EYS: variants seen among roughly 807,000 people sequenced by gnomAD.
The protein encoded by EYS is EGF-like photoreceptor maintenance factor, also known as protein eyes shut homolog.
A neutral mutation model predicts 282.1 loss-of-function variants in EYS; 250 were observed. That is an observed-to-expected ratio of 0.89 (90% CI 0.80 to 0.98). EYS has a LOEUF of 0.98. Ranked by LOEUF, EYS falls within the 50% of genes least tolerant of loss-of-function variation. EYS has a pLI of 0.00. For synonymous variants in EYS, 1,355 were observed against 1,282.9 expected (o/e 1.06, Z -1.20); for missense variants, 4,016 against 3,709.0 (o/e 1.08, Z -2.15).
chr6:64,944,506 A>C (rs957641985), intron 15 of EYS, among the ~76,000 whole-genome samples: 6 of 152,168 alleles, frequency 3.9e-5, no homozygotes, highest in Admixed American at 2.6e-4. Context: ...CCAGGGGCAC[A>C]ATGCACTGTG....
intron 12 of EYS, among the ~76,000 whole-genome samples, chr6:65,112,429 T>C (rs1055484605): frequency 2.0e-5 from 3 of 152,012 alleles, no homozygotes; most frequent in Non-Finnish European, 4.4e-5. Flanking sequence ...GTAATAAACA[T>C]CAAATTCTAT....
chr6:65,552,271 G>A (rs1345560003), intron 2 of EYS, among the ~76,000 whole-genome samples: 5 of 152,042 alleles, frequency 3.3e-5, no homozygotes, highest in Non-Finnish European at 4.4e-5. Context: ...TTTAAAGATT[G>A]CTTTTACATT....
At chr6:63,760,999 C>A (rs889079574) in intron 41 of EYS, among the ~76,000 whole-genome samples, 1 of 151,344 alleles carries the variant, frequency 6.6e-6, no homozygotes, top group African/African-American at 2.4e-5. Context: ...CTATGAAAAC[C>A]ATCATAATCA....
At chr6:63,958,273 A>G (rs1221150011) in intron 35 of EYS, among the ~76,000 whole-genome samples, 4 of 140,954 alleles carry the variant, frequency 2.8e-5, no homozygotes, top group African/African-American at 9.8e-5. Context: ...ACCTGAACAG[A>G]TATATACTCT....
At chr6:64,791,892 G>A (rs1490111801) in intron 22 of EYS, among the ~76,000 whole-genome samples, 1 of 151,704 alleles carries the variant, frequency 6.6e-6, no homozygotes, top group Admixed American at 6.6e-5. Flanking sequence ...CCATATGACT[G>A]GAACAAGATT....
At chr6:65,640,139 A>G (rs758797415) in intron 1 of EYS, among the ~76,000 whole-genome samples, 2 of 152,228 alleles carry the variant, frequency 1.3e-5, no homozygotes, top group Non-Finnish European at 2.9e-5. Flanking sequence ...CAAAAATTCT[A>G]CAAATAAAAG....
chr6:64,235,022 C>T (rs1371362390), intron 30 of EYS, among the ~76,000 whole-genome samples: 2 of 151,898 alleles, frequency 1.3e-5, no homozygotes, highest in Non-Finnish European at 2.9e-5. Flanking sequence ...GGATTACAGG[C>T]ATCTGCCACC....
At chr6:65,455,041 T>A (rs74835146) in intron 5 of EYS, among the ~76,000 whole-genome samples, 1,734 of 152,216 alleles carry the variant, frequency 0.011, 59 homozygotes, top group Admixed American at 0.078. Flanking sequence ...TTGTGAAGAA[T>A]GTTACTGGTA....
intron 19 of EYS, among the ~76,000 whole-genome samples, chr6:64,828,537 C>G (rs367731627): frequency 1.6e-4 from 25 of 151,876 alleles, no homozygotes; most frequent in African/African-American, 6.0e-4. Flanking sequence ...GGCTCTGGAC[C>G]AAAACTAAAA....
intron 26 of EYS, among the ~76,000 whole-genome samples, chr6:64,522,954 C>G (rs1175222040): frequency 6.6e-6 from 1 of 151,474 alleles, no homozygotes; most frequent in Non-Finnish European, 1.5e-5. Context: ...ATATTTGAAA[C>G]TTGAAGACAT....
chr6:64,177,511 T>G (rs1764671396), intron 31 of EYS, among the ~76,000 whole-genome samples: 1 of 152,124 alleles, frequency 6.6e-6, no homozygotes, highest in Non-Finnish European at 1.5e-5. Flanking sequence ...CTTGAATTAA[T>G]TAATTTCATA....
chr6:64,160,007 A>G (rs1775055654), intron 31 of EYS, among the ~76,000 whole-genome samples: 1 of 152,214 alleles, frequency 6.6e-6, no homozygotes, highest in Admixed American at 6.5e-5. Flanking sequence ...AAACTGAGGT[A>G]CAAACAGGTA....
intron 22 of EYS, among the ~76,000 whole-genome samples, chr6:64,748,853 A>G (rs1256605510): frequency 2.6e-5 from 4 of 152,094 alleles, no homozygotes; most frequent in Non-Finnish European, 5.9e-5. Context: ...GCTCACTGCA[A>G]CCTCCACCTC....
intron 30 of EYS, among the ~76,000 whole-genome samples, chr6:64,275,819 G>A (rs1582522339): frequency 6.6e-6 from 1 of 150,858 alleles, no homozygotes; most frequent in South Asian, 2.1e-4. Flanking sequence ...TAAAAAAATA[G>A]CTGGGCGTGG....
chr6:64,824,453 C>T (rs776964380), intron 19 of EYS, among the ~76,000 whole-genome samples: 1 of 151,888 alleles, frequency 6.6e-6, no homozygotes, highest in Non-Finnish European at 1.5e-5. Context: ...AGGTCTGATA[C>T]ATGTTTAACA....
chr6:64,924,751 A>G (rs1295042840), intron 15 of EYS, among the ~76,000 whole-genome samples: 2 of 152,178 alleles, frequency 1.3e-5, no homozygotes, highest in African/African-American at 4.8e-5. Context: ...TTGCTAAAAC[A>G]TAACAAGAGT....
intron 12 of EYS, among the ~76,000 whole-genome samples, chr6:65,227,929 G>A (rs1181464606): frequency 3.9e-5 from 6 of 152,030 alleles, no homozygotes; most frequent in East Asian, 1.9e-4. Flanking sequence ...GGAAATAGGC[G>A]ACTATTGTTT....
chr6:64,913,425 G>C (rs995177950), intron 15 of EYS, among the ~76,000 whole-genome samples: 4 of 151,836 alleles, frequency 2.6e-5, no homozygotes, highest in Non-Finnish European at 5.9e-5. Context: ...CTCACTTTTG[G>C]AGTTCTCAGC....
intron 29 of EYS, among the ~76,000 whole-genome samples, chr6:64,372,876 CATT>C (rs1390576226): frequency 6.6e-6 from 1 of 152,110 alleles, no homozygotes; most frequent in Non-Finnish European, 1.5e-5. Flanking sequence ...CTTGTGATTG[CATT>C]ATGAAATTTT....
Sources: gnomAD v4.1 joint callset for allele counts (sites outside exome capture counted in the v4.1 genomes callset) on GRCh38, gnomAD v4.1.1 for gene constraint, MANE v1.5 for transcripts, NCBI Gene and HGNC (gene_info 2026-07-23, HGNC 2026-07-21) for gene names.